SAMD3: variants seen among roughly 807,000 people sequenced by gnomAD.
SAMD3 encodes sterile alpha motif domain-containing protein 3.
Under a neutral mutation model 58.5 loss-of-function variants are expected in SAMD3, and 63 were observed. The observed-to-expected ratio is 1.08, with a 90% CI of 0.88 to 1.33. The LOEUF is 1.33. Among genes scored for constraint, SAMD3 ranks in the 40% most tolerant of loss-of-function variants. The pLI is 0.00. For synonymous variants in SAMD3, 220 were observed against 210.3 expected, an observed-to-expected ratio of 1.05 and a Z score of -0.40; for missense variants, 604 against 608.4, an observed-to-expected ratio of 0.99 and a Z score of 0.08.
chr6:130,203,885 T>C (rs959620921), intron 5 of SAMD3, among the ~76,000 whole-genome samples: 4 of 152,316 alleles, frequency 2.6e-5, no homozygotes, highest in Non-Finnish European at 2.9e-5. Context: ...CACACTGGTA[T>C]TGGATGCACA....
At chr6:130,152,776 G>A (rs1354610707) in intron 9 of SAMD3, among the ~76,000 whole-genome samples, 23 of 152,120 alleles carry the variant, frequency 1.5e-4, no homozygotes, top group Admixed American at 1.5e-3. Flanking sequence ...GATATAAAGG[G>A]TGAAATACTT....
chr6:130,220,298 C>T (rs923875306), intron 1 of SAMD3, among the ~76,000 whole-genome samples: 5 of 152,124 alleles, frequency 3.3e-5, no homozygotes, highest in Non-Finnish European at 7.4e-5. Context: ...CTAGCCTGGC[C>T]AATTTTTACA....
rs1196709383 is a variant in SAMD3, at chr6:130,153,647, C to CATATATATATATATATATATATATATAT, written c.1023+1177_1023+1178insATATATATATATATATATATATATATAT. Among the ~76,000 whole-genome samples, 86 of 96,574 alleles carry CATATATATATATATATATATATATATAT rather than the reference C, an allele frequency of 8.9e-4. 3 individuals are homozygous for CATATATATATATATATATATATATATAT. Among genetic ancestry groups the CATATATATATATATATATATATATATAT allele is most frequent in the South Asian group, 2.1e-3 (5 of 2,418 alleles). 63.4% of individuals were successfully genotyped at this position (96,574 alleles called of 152,430 possible). On this transcript the variant is annotated intron_variant, in intron 9 of 11. Transcript: ENST00000439090. Reference sequence around the variant, plus strand: ...TTTGATTGATTTACCCATTAAATTTCATATATATATATATATATTTATTTA... The same window carrying CATATATATATATATATATATATATATAT: ...TTTGATTGATTTACCCATTAAATTTCATATATATATATATATATATATATATATATATATATATATATATATTTATTTA...
upstream of SAMD3, among the ~76,000 whole-genome samples, chr6:130,226,742 C>A (rs7747000): frequency 6.6e-6 from 1 of 152,064 alleles, no homozygotes; most frequent in South Asian, 2.1e-4. Flanking sequence ...GCAGGAGAAT[C>A]GCTTGAACCT....
intron 2 of SAMD3, among the ~76,000 whole-genome samples, chr6:130,280,798 GT>G (rs1774954893): frequency 6.6e-6 from 1 of 152,002 alleles, no homozygotes; most frequent in South Asian, 2.1e-4. Flanking sequence ...TTAAAATTTA[GT>G]AATCATCTAT....
chr6:130,288,298 T>C (rs1583054531), intron 2 of SAMD3, among the ~76,000 whole-genome samples: 1 of 152,040 alleles, frequency 6.6e-6, no homozygotes, highest in Admixed American at 6.6e-5. Flanking sequence ...TTGGCAGGAG[T>C]CAATGTTGCA....
At chr6:130,233,165 G>T (rs1365139213) in intron 2 of SAMD3, among the ~76,000 whole-genome samples, 1 of 152,146 alleles carries the variant, frequency 6.6e-6, no homozygotes, top group East Asian at 1.9e-4. Flanking sequence ...TAGCTGGGTG[G>T]CTACAAATTT....
chr6:130,307,832 G>A (rs1583078492), intron 2 of SAMD3, among the ~76,000 whole-genome samples: 1 of 152,264 alleles, frequency 6.6e-6, no homozygotes, highest in East Asian at 1.9e-4. Context: ...AGAGGGTTTA[G>A]CATCTATAGA....
At chr6:130,279,388 T>C (rs1276080232) in intron 2 of SAMD3, among the ~76,000 whole-genome samples, 1 of 152,014 alleles carries the variant, frequency 6.6e-6, no homozygotes, top group African/African-American at 2.4e-5. Flanking sequence ...CTGCTGGCAC[T>C]CATTCTCTCT....
At chr6:130,353,842 G>C (rs1777749710) in intron 1 of SAMD3, among the ~76,000 whole-genome samples, 1 of 151,994 alleles carries the variant, frequency 6.6e-6, no homozygotes, top group Admixed American at 6.6e-5. Flanking sequence ...TTAAAAGTAT[G>C]GTATTCCACA....
intron 2 of SAMD3, among the ~76,000 whole-genome samples, chr6:130,306,686 C>T (rs966735920): frequency 6.6e-6 from 1 of 152,042 alleles, no homozygotes; most frequent in Admixed American, 6.6e-5. Context: ...ACTTCCAGCC[C>T]CAAAGATAAG....
At chr6:130,269,555 T>A (rs536916514) in intron 2 of SAMD3, among the ~76,000 whole-genome samples, 2 of 152,288 alleles carry the variant, frequency 1.3e-5, no homozygotes, top group African/African-American at 4.8e-5. Context: ...GGATTGGTAG[T>A]AATATCCCTG....
chr6:130,314,788 ATAAAC>A (rs1274688030), intron 1 of SAMD3, among the ~76,000 whole-genome samples: 1 of 152,216 alleles, frequency 6.6e-6, no homozygotes, highest in African/African-American at 2.4e-5. Flanking sequence ...AATAGATAAA[ATAAAC>A]TAAGTGTCCT....
At chr6:130,239,475 G>A (rs544157236) in intron 2 of SAMD3, among the ~76,000 whole-genome samples, 6 of 152,186 alleles carry the variant, frequency 3.9e-5, no homozygotes, top group South Asian at 2.1e-4. Flanking sequence ...CAGTGAAGGC[G>A]TTTTTTGGTT....
intron 8 of SAMD3, among the ~76,000 whole-genome samples, chr6:130,172,621 C>T (rs34755921): frequency 3.3e-4 from 51 of 152,288 alleles, no homozygotes; most frequent in African/African-American, 1.2e-3. Context: ...TGGCCTTTCT[C>T]TCTGGCTGCC....
upstream of SAMD3, among the ~76,000 whole-genome samples, chr6:130,224,457 G>A (rs895366569): frequency 6.6e-6 from 1 of 151,950 alleles, no homozygotes; most frequent in Non-Finnish European, 1.5e-5. Flanking sequence ...CAGATGGGAG[G>A]TGTGGAGACA....
chr6:130,162,024 T>C (rs551452282), intron 8 of SAMD3: 2 of 401,020 alleles, frequency 5.0e-6, no homozygotes, highest in Non-Finnish European at 8.8e-6. Flanking sequence ...AGAAATACAC[T>C]GAAGGGAAGT....
chr6:130,351,800 T>C (rs377735478), intron 1 of SAMD3, among the ~76,000 whole-genome samples: 3 of 152,030 alleles, frequency 2.0e-5, no homozygotes, highest in African/African-American at 4.8e-5. Context: ...ATAGCAAAGA[T>C]TTGGAACCAA....
chr6:130,170,366 AG>A (rs1220135279), intron 8 of SAMD3, among the ~76,000 whole-genome samples: 1 of 152,216 alleles, frequency 6.6e-6, no homozygotes, highest in Non-Finnish European at 1.5e-5. Context: ...GTCCCTGTAA[AG>A]GACATGAACT....
Sources: gnomAD v4.1 joint callset for allele counts (sites outside exome capture counted in the v4.1 genomes callset) on GRCh38, gnomAD v4.1.1 for gene constraint, MANE v1.5 for transcripts, NCBI Gene and HGNC (gene_info 2026-07-23, HGNC 2026-07-21) for gene names.